Variants in RNF115 observed in about 807,000 individuals in gnomAD.
RNF115 encodes ring finger protein 115, also known as E3 ubiquitin-protein ligase RNF115.
A neutral mutation model predicts 39.2 loss-of-function variants in RNF115; 31 were observed. The observed-to-expected ratio is 0.79, with a 90% CI of 0.59 to 1.07. RNF115 has a LOEUF of 1.07. Among genes scored for constraint, RNF115 ranks in the 50% least tolerant of loss-of-function variants. RNF115 has a pLI of 0.00. For synonymous variants in RNF115, 124 were observed against 131.0 expected (o/e 0.95, Z 0.37); for missense variants, 384 against 381.7 (o/e 1.01, Z -0.05).
chr1:145,790,767 T>C (rs781825110), intron 1 of RNF115, among the ~76,000 whole-genome samples: 3 of 152,210 alleles, frequency 2.0e-5, no homozygotes, highest in African/African-American at 7.2e-5. Context: ...TCGTCCAATT[T>C]TTTCTTCAAA....
chr1:145,750,368 G>A, intron 7 of RNF115, 39 bp downstream of exon 7: 1 of 1,466,560 alleles, frequency 6.8e-7, no homozygotes, highest in Non-Finnish European at 9.5e-7. Context: ...TTTGAACCGA[G>A]ATCAGAAGAT....
intron 4 of RNF115, among the ~76,000 whole-genome samples, chr1:145,766,188 C>G (rs1050671524): frequency 2.6e-5 from 4 of 152,044 alleles, no homozygotes; most frequent in Admixed American, 2.6e-4. Context: ...TAGGGAGTGG[C>G]GATGACTCTT....
intron 1 of RNF115, among the ~76,000 whole-genome samples, chr1:145,820,351 A>G (rs1329858092): frequency 1.3e-5 from 2 of 151,916 alleles, no homozygotes; most frequent in Non-Finnish European, 2.9e-5. Context: ...CCTATCTACT[A>G]CTACTCAGGA....
intron 8 of RNF115, 134 bp downstream of exon 8, chr1:145,747,861 C>T (rs782342408): frequency 1.1e-4 from 69 of 652,786 alleles, no homozygotes; most frequent in Non-Finnish European, 1.7e-4. Context: ...CAGAAAAGTT[C>T]CAAACAAATA....
chr1:145,751,656 A>G, intron 5 of RNF115, 146 bp from the exon 6 acceptor site: 2 of 532,632 alleles, frequency 3.8e-6, no homozygotes, highest in Non-Finnish European at 6.9e-6. Context: ...AGAATTCTGT[A>G]CATTTTCAAG....
intron 4 of RNF115, among the ~76,000 whole-genome samples, chr1:145,755,124 C>A (rs1200731203): frequency 6.6e-6 from 1 of 151,930 alleles, no homozygotes; most frequent in Non-Finnish European, 1.5e-5. Context: ...TGCCTATAGT[C>A]TCAGCTACTC....
intron 1 of RNF115, 93 bp from the exon 2 acceptor site, chr1:145,789,059 G>A: frequency 1.3e-6 from 1 of 785,502 alleles, no homozygotes; most frequent in Non-Finnish European, 2.1e-6. Flanking sequence ...TACAAGCTGA[G>A]GCTCTGAAAT....
At chr1:145,823,265 C>T (rs1329725766) in intron 1 of RNF115, among the ~76,000 whole-genome samples, 2 of 108,464 alleles carry the variant, frequency 1.8e-5, no homozygotes, top group African/African-American at 3.2e-5. Flanking sequence ...ACCTTCCAAC[C>T]CCCTTTCTGT....
chr1:145,794,741 G>A (rs1264902293), intron 1 of RNF115, among the ~76,000 whole-genome samples: 1 of 151,658 alleles, frequency 6.6e-6, no homozygotes, highest in Non-Finnish European at 1.5e-5. Flanking sequence ...GTCCTGACCA[G>A]GCGCAGTAGC....
intron 1 of RNF115, among the ~76,000 whole-genome samples, chr1:145,811,932 T>TATATATACAC (rs1465945929): frequency 5.4e-5 from 4 of 74,692 alleles, no homozygotes; most frequent in Admixed American, 1.6e-4. Flanking sequence ...TATATATATA[T>TATATATACAC]ACACACACAC....
intron 2 of RNF115, among the ~76,000 whole-genome samples, chr1:145,785,325 G>GT (rs1648330253): frequency 6.6e-6 from 1 of 152,184 alleles, no homozygotes; most frequent in Non-Finnish European, 1.5e-5. Flanking sequence ...CATGTAGAGT[G>GT]TTTAAGTGTC....
At chr1:145,783,764 A>G (rs1553717762) in intron 3 of RNF115, among the ~76,000 whole-genome samples, 1 of 152,122 alleles carries the variant, frequency 6.6e-6, no homozygotes, top group Non-Finnish European at 1.5e-5. Context: ...TCTCTAAATG[A>G]TTAAAAACAA....
chr1:145,770,749 T>C (rs1292322186), intron 4 of RNF115, among the ~76,000 whole-genome samples: 1 of 152,206 alleles, frequency 6.6e-6, no homozygotes, highest in African/African-American at 2.4e-5. Flanking sequence ...AGATAAAGCA[T>C]GAAGCACAGT....
intron 3 of RNF115, among the ~76,000 whole-genome samples, chr1:145,775,394 GC>G (rs1647835096): frequency 1.4e-5 from 2 of 148,124 alleles, no homozygotes; most frequent in Admixed American, 1.3e-4. Flanking sequence ...TGTGAATGTG[GC>G]CTTTTTTTTT....
chr1:145,761,511 G>C (rs1658503535), intron 4 of RNF115, among the ~76,000 whole-genome samples: 1 of 152,242 alleles, frequency 6.6e-6, no homozygotes. Flanking sequence ...GAGAGTGCAA[G>C]CCCAAAGCCT....
intron 4 of RNF115, among the ~76,000 whole-genome samples, chr1:145,768,274 T>A (rs587658741): frequency 3.7e-4 from 57 of 152,314 alleles, no homozygotes; most frequent in African/African-American, 1.4e-3. Context: ...TGTGGCATCC[T>A]CTCCAATGGC....
At chr1:145,767,578 G>A (rs1372625725) in intron 4 of RNF115, among the ~76,000 whole-genome samples, 3 of 152,200 alleles carry the variant, frequency 2.0e-5, no homozygotes, top group East Asian at 1.9e-4. Context: ...GGTGGTGGCC[G>A]GGCAGAGGCT....
intron 4 of RNF115, among the ~76,000 whole-genome samples, chr1:145,756,445 G>C (rs1797049): frequency 0.045 from 6,853 of 151,584 alleles, 542 homozygotes; most frequent in African/African-American, 0.16. Context: ...GGGTGACAGA[G>C]TGAGACTGTC....
intron 7 of RNF115, among the ~76,000 whole-genome samples, chr1:145,750,056 G>A (rs868910043): frequency 6.6e-6 from 1 of 152,160 alleles, no homozygotes; most frequent in African/African-American, 2.4e-5. Context: ...GTCCAACACA[G>A]TTTTTAATCA....
Sources: gnomAD v4.1 joint callset for allele counts (sites outside exome capture counted in the v4.1 genomes callset) on GRCh38, gnomAD v4.1.1 for gene constraint, MANE v1.5 for transcripts, NCBI Gene and HGNC (gene_info 2026-07-23, HGNC 2026-07-21) for gene names.